CNTNAP2: variants seen among roughly 807,000 people sequenced by gnomAD.
CNTNAP2 encodes the protein contactin-associated protein-like 2.
CNTNAP2 carries 98 observed loss-of-function variants against 155.2 expected under a neutral mutation model. The ratio of observed to expected loss-of-function variants is 0.63; its 90% confidence interval spans 0.54 to 0.75. The LOEUF is 0.75. Among genes scored for constraint, CNTNAP2 ranks in the 30% least tolerant of loss-of-function variants. CNTNAP2 has a pLI of 0.00. For synonymous variants in CNTNAP2, 651 were observed against 631.2 expected, an observed-to-expected ratio of 1.03 and a Z score of -0.47; for missense variants, 1,727 against 1,688.1, an observed-to-expected ratio of 1.02 and a Z score of -0.40.
Position 146,639,438 on chromosome 7 carries a change from AG to A in CNTNAP2, c.98-134832del, listed in dbSNP as rs537085542. ...TATCTCATCTCATGGAATCCCCACA[AG>A]TATCATGTAAGATAGATTCTCTGAT... On this transcript the variant is annotated intron_variant, in intron 1 of 23. Transcript: ENST00000361727. 9.5e-5 allele frequency among the ~76,000 whole-genome samples: 14 copies of A among 146,820 alleles called. No homozygotes were observed. In the East Asian group the frequency reaches 2.7e-3, roughly 28 times the overall value.
intron 1 of CNTNAP2, among the ~76,000 whole-genome samples, chr7:146,697,955 A>G (rs1230431118): frequency 2.0e-5 from 3 of 151,830 alleles, no homozygotes; most frequent in African/African-American, 7.3e-5. Flanking sequence ...TTTTACTTCT[A>G]TTTTACCTGT....
intron 1 of CNTNAP2, among the ~76,000 whole-genome samples, chr7:146,207,633 C>CCG (rs1312602220): frequency 0.019 from 2,268 of 118,978 alleles, 24 homozygotes; most frequent in East Asian, 0.04. Flanking sequence ...CAGAACAGGA[C>CCG]TGTGTTTTTT....
At chr7:147,613,549 T>C (rs1801226431) in intron 12 of CNTNAP2, among the ~76,000 whole-genome samples, 1 of 152,146 alleles carries the variant, frequency 6.6e-6, no homozygotes, top group Non-Finnish European at 1.5e-5. Flanking sequence ...TAAGAAATAA[T>C]AGAAAAAGCC....
chr7:147,418,138 T>G (rs1330633840), intron 10 of CNTNAP2, among the ~76,000 whole-genome samples: 2 of 152,246 alleles, frequency 1.3e-5, no homozygotes, highest in African/African-American at 4.8e-5. Flanking sequence ...GGTACTTACT[T>G]ATTTTCTAAG....
At chr7:146,488,785 C>G (rs761883269) in intron 1 of CNTNAP2, among the ~76,000 whole-genome samples, 1 of 152,088 alleles carries the variant, frequency 6.6e-6, no homozygotes, top group African/African-American at 2.4e-5. Context: ...CGTGCCACCA[C>G]GCCTGGCTAG....
At chr7:146,322,408 G>C (rs73740436) in intron 1 of CNTNAP2, among the ~76,000 whole-genome samples, 4,655 of 152,062 alleles carry the variant, frequency 0.031, 104 homozygotes, top group African/African-American at 0.067. Context: ...GGCATTTTAT[G>C]ATTTTTACAA....
intron 20 of CNTNAP2, 28 bp downstream of exon 20, chr7:148,229,807 A>T: frequency 6.2e-7 from 1 of 1,613,178 alleles, no homozygotes; most frequent in Non-Finnish European, 8.5e-7. Flanking sequence ...TATAAATTAC[A>T]TATAATATCG....
At chr7:147,893,804 G>T (rs1258328186) in intron 13 of CNTNAP2, among the ~76,000 whole-genome samples, 2 of 152,200 alleles carry the variant, frequency 1.3e-5, no homozygotes, top group Admixed American at 6.5e-5. Flanking sequence ...GATCTTGGAA[G>T]TGATTCTGTG....
At chr7:146,641,283 A>G (rs1210643977) in intron 1 of CNTNAP2, among the ~76,000 whole-genome samples, 2 of 152,188 alleles carry the variant, frequency 1.3e-5, no homozygotes, top group East Asian at 1.9e-4. Flanking sequence ...CCGAGATCGC[A>G]CCACTGCACT....
chr7:147,867,926 C>T (rs1435369880), intron 13 of CNTNAP2, among the ~76,000 whole-genome samples: 1 of 152,118 alleles, frequency 6.6e-6, no homozygotes, highest in African/African-American at 2.4e-5. Flanking sequence ...TTGTTATTAT[C>T]AACCTTCTGA....
chr7:147,092,700 T>C (rs767417500), intron 4 of CNTNAP2, among the ~76,000 whole-genome samples: 1 of 152,194 alleles, frequency 6.6e-6, no homozygotes, highest in Non-Finnish European at 1.5e-5. Flanking sequence ...GGAATGTAAA[T>C]TGAAAAATGT....
At chr7:146,547,422 C>T (rs1798045183) in intron 1 of CNTNAP2, among the ~76,000 whole-genome samples, 1 of 151,898 alleles carries the variant, frequency 6.6e-6, no homozygotes. Flanking sequence ...TGACTACAGG[C>T]ACAATGTTAC....
At chr7:147,285,397 C>G (rs76876587) in intron 8 of CNTNAP2, among the ~76,000 whole-genome samples, 1,793 of 151,836 alleles carry the variant, frequency 0.012, 35 homozygotes, top group African/African-American at 0.041. Flanking sequence ...ATTATGGAAC[C>G]AAAATTTTGA....
At chr7:147,910,324 T>C (rs890342307) in intron 14 of CNTNAP2, among the ~76,000 whole-genome samples, 1 of 152,220 alleles carries the variant, frequency 6.6e-6, no homozygotes, top group African/African-American at 2.4e-5. Context: ...TGTTCATGTA[T>C]GTTTCATATA....
At chr7:148,127,678 A>G (rs1468783119) in intron 16 of CNTNAP2, among the ~76,000 whole-genome samples, 1 of 152,224 alleles carries the variant, frequency 6.6e-6, no homozygotes, top group Admixed American at 6.5e-5. Flanking sequence ...ACTAATGGCA[A>G]TTTATCTTCC....
chr7:146,731,539 G>GA, intron 1 of CNTNAP2, among the ~76,000 whole-genome samples: 1 of 152,178 alleles, frequency 6.6e-6, no homozygotes, highest in Non-Finnish European at 1.5e-5. Flanking sequence ...AGCAGAGTGA[G>GA]ATGAAATCAA....
chr7:146,732,965 C>T (rs1801551683), intron 1 of CNTNAP2, among the ~76,000 whole-genome samples: 1 of 151,926 alleles, frequency 6.6e-6, no homozygotes. Flanking sequence ...CCCAAGGATA[C>T]AGGGTGAAAG....
chr7:146,700,734 G>T (rs1429684244), intron 1 of CNTNAP2, among the ~76,000 whole-genome samples: 1 of 152,136 alleles, frequency 6.6e-6, no homozygotes, highest in Non-Finnish European at 1.5e-5. Flanking sequence ...CCCAGTCATT[G>T]TTTATTTCAA....
chr7:147,763,780 C>A (rs985775822), intron 13 of CNTNAP2, among the ~76,000 whole-genome samples: 3 of 152,156 alleles, frequency 2.0e-5, no homozygotes, highest in African/African-American at 7.2e-5. Flanking sequence ...CAACACAGAG[C>A]AGCAGTGTGG....
Sources: allele counts gnomAD v4.1 joint callset (sites outside exome capture counted in the v4.1 genomes callset), GRCh38; gene constraint gnomAD v4.1.1; transcripts MANE v1.5; gene names NCBI Gene and HGNC (gene_info 2026-07-23, HGNC 2026-07-21).